The following DMRT1 variants were observed in gnomAD, a reference collection of about 807,000 sequenced individuals.
The protein encoded by DMRT1 is doublesex and mab-3 related transcription factor 1.
Under a neutral mutation model 32.3 loss-of-function variants are expected in DMRT1, and 7 were observed. The ratio of observed to expected loss-of-function variants is 0.22; its 90% CI spans 0.12 to 0.41. The LOEUF (loss-of-function observed/expected upper bound fraction) is 0.41. Among genes scored for constraint, DMRT1 ranks in the 10% least tolerant of loss-of-function variants. The probability of loss-of-function intolerance (pLI) is 1.00; values close to 1 mark genes in which losing one functional copy is unlikely to be tolerated. For missense variants in DMRT1, 625 were observed against 500.5 expected, an observed-to-expected ratio of 1.25 and a Z score of -2.37; for synonymous variants, 278 against 206.1, an observed-to-expected ratio of 1.35 and a Z score of -2.99.
intron 4 of DMRT1, among the ~76,000 whole-genome samples, chr9:920,217 T>C (rs1223561554): frequency 2.6e-5 from 4 of 152,070 alleles, no homozygotes; most frequent in African/African-American, 9.7e-5. Context: ...GTCAATGTGA[T>C]GAGATCATTT....
chr9:930,083 T>G (rs1818660047), intron 4 of DMRT1, among the ~76,000 whole-genome samples: 1 of 152,188 alleles, frequency 6.6e-6, no homozygotes, highest in Non-Finnish European at 1.5e-5. Flanking sequence ...GAGGGTGTTT[T>G]CTTCTCAAAT....
intron 4 of DMRT1, among the ~76,000 whole-genome samples, chr9:946,461 C>A (rs528650595): frequency 6.6e-6 from 1 of 152,206 alleles, no homozygotes; most frequent in African/African-American, 2.4e-5. Context: ...GTAACTGGAC[C>A]ATTTCATCCA....
chr9:949,942 C>G (rs12004781), intron 4 of DMRT1, among the ~76,000 whole-genome samples: 36,066 of 152,050 alleles, frequency 0.24, 4,972 homozygotes, highest in African/African-American at 0.37. Flanking sequence ...GCACATTGTC[C>G]TTATTCATCT....
In DMRT1 at chr9:968,166, A is replaced by C. The variant is rs1161761702; in HGVS notation, c.*27A>C. On this transcript the variant is annotated 3_prime_UTR_variant, in exon 5 of 5. Transcript: ENST00000382276. Reference sequence around the variant, plus strand: ...CAGTGCCTGCTGCCGATGGCGGTTCACTTGGAGTAACAGGCTTATTCCACT... The same window carrying C: ...CAGTGCCTGCTGCCGATGGCGGTTCCCTTGGAGTAACAGGCTTATTCCACT... 1 of 1,613,262 alleles carries C rather than the reference A, an allele frequency of 6.2e-7. No individual in the cohort carries two copies. The highest frequency in any genetic ancestry group is 1.7e-5 in the Admixed American group (1 of 60,004).
rs1838937599 is a variant in DMRT1, at chr9:847,071, C to A, written c.466C>A (p.Pro156Thr). Residue 156 changes from proline to threonine, a missense_variant, in exon 2 of 5, where the codon CCG (proline) becomes ACG (threonine). Physicochemically the swap from Pro to Thr is conservative, Grantham distance 38. Around this residue, in one of 3 missense-constraint regions of DMRT1, gnomAD observed 416 missense variants for 321.6 expected, o/e 1.29. Transcript: ENST00000382276. Reference sequence around the variant, plus strand: ...CAAAAGAGAGAACAATGGCAGTAACCCGTGCCTCATGACTGAGTGCAGTGG... The same window carrying A: ...CAAAAGAGAGAACAATGGCAGTAACACGTGCCTCATGACTGAGTGCAGTGG... The part of the protein sequence containing the change: ...LVKRENNGSN[P>T]CLMTECSGTS... The A allele has an allele frequency of 3.1e-6, 5 of 1,613,896 alleles. No individual in the cohort carries two copies. Among genetic ancestry groups the A allele is most frequent in the African/African-American group, 1.3e-5 (1 of 74,916 alleles).
intron 2 of DMRT1, among the ~76,000 whole-genome samples, chr9:879,065 T>C (rs1816626224): frequency 1.3e-5 from 2 of 152,176 alleles, no homozygotes; most frequent in African/African-American, 2.4e-5. Flanking sequence ...GTTAGGACTT[T>C]ATTGCTGTCT....
At chr9:862,821 G>A (rs761443624) in intron 2 of DMRT1, among the ~76,000 whole-genome samples, 6 of 152,112 alleles carry the variant, frequency 3.9e-5, no homozygotes, top group South Asian at 2.1e-4. Context: ...TCCTAGTTAG[G>A]TGAGGTTATG....
intron 3 of DMRT1, among the ~76,000 whole-genome samples, chr9:900,796 C>T (rs1817543438): frequency 6.6e-6 from 1 of 151,682 alleles, no homozygotes; most frequent in Non-Finnish European, 1.5e-5. Flanking sequence ...GTGATCCTCC[C>T]ATCTCAGTCT....
intron 4 of DMRT1, among the ~76,000 whole-genome samples, chr9:939,108 CT>C (rs1467951808): frequency 6.6e-6 from 1 of 152,184 alleles, no homozygotes; most frequent in Non-Finnish European, 1.5e-5. Context: ...CCTGTGCATC[CT>C]TTTCCCCTAA....
At chr9:912,114 C>G (rs1818011839) in intron 3 of DMRT1, among the ~76,000 whole-genome samples, 1 of 152,222 alleles carries the variant, frequency 6.6e-6, no homozygotes, top group Non-Finnish European at 1.5e-5. Flanking sequence ...GGCACCTTCT[C>G]TTCTTCACAA....
At chr9:862,102 C>T (rs189213388) in intron 2 of DMRT1, among the ~76,000 whole-genome samples, 42,102 of 132,100 alleles carry the variant, frequency 0.32, 7,882 homozygotes, top group Middle Eastern at 0.41. Flanking sequence ...GACGGGGTGG[C>T]GGCTGGGCAG....
In DMRT1 at chr9:965,834, C is replaced by T. The variant is rs144515898; in HGVS notation, c.968-2151C>T. Among the ~76,000 whole-genome samples the T allele has an allele frequency of 6.6e-6, 1 of 152,352 alleles. No individual in the cohort carries two copies. Among genetic ancestry groups the T allele is most frequent in the East Asian group, 1.9e-4 (1 of 5,190 alleles). ...CACGCCAGAGTCAGCCTAATCAGTA[C>T]AGTGCTGCCCTTGACAGCTTGCACA... On this transcript the variant is annotated intron_variant, in intron 4 of 4. Transcript: ENST00000382276. The surrounding 1 kb of genome is among the most constrained non-coding windows in gnomAD (Gnocchi z 4.5).
intron 2 of DMRT1, among the ~76,000 whole-genome samples, chr9:884,948 C>T (rs1001469925): frequency 1.3e-5 from 2 of 152,190 alleles, no homozygotes; most frequent in Non-Finnish European, 1.5e-5. Flanking sequence ...CCAGCCTGGG[C>T]AACAGAGTGA....
intron 3 of DMRT1, among the ~76,000 whole-genome samples, chr9:898,295 T>A (rs1817449688): frequency 6.6e-6 from 1 of 152,112 alleles, no homozygotes; most frequent in Non-Finnish European, 1.5e-5. Context: ...AATTTTTGTA[T>A]TTTTAGTGGA....
chr9:895,135 T>C (rs989938446), intron 3 of DMRT1: 1 of 152,150 alleles, frequency 6.6e-6, no homozygotes, highest in Non-Finnish European at 1.5e-5. Context: ...ATTTTTAAAA[T>C]AGCATGCAAT....
At chr9:864,932 A>G (rs1411535212) in intron 2 of DMRT1, among the ~76,000 whole-genome samples, 1 of 152,194 alleles carries the variant, frequency 6.6e-6, no homozygotes. Flanking sequence ...TTCATTATAT[A>G]ATAAACTGTG....
intron 4 of DMRT1, among the ~76,000 whole-genome samples, chr9:941,527 G>T: frequency 6.6e-6 from 1 of 152,172 alleles, no homozygotes; most frequent in East Asian, 1.9e-4. Context: ...GTTGCTGGGT[G>T]TTGAGGGGAG....
At chr9:953,780 G>C (rs1267890144) in intron 4 of DMRT1, among the ~76,000 whole-genome samples, 1 of 152,184 alleles carries the variant, frequency 6.6e-6, no homozygotes, top group Non-Finnish European at 1.5e-5. Context: ...AGATTGGCTG[G>C]CTTTGTCTCA....
intron 2 of DMRT1, among the ~76,000 whole-genome samples, chr9:852,622 G>A (rs1815202811): frequency 6.6e-6 from 1 of 152,182 alleles, no homozygotes. Context: ...GGGTTGCATT[G>A]TAGATAATTC....
Sources: allele counts gnomAD v4.1 joint callset (sites outside exome capture counted in the v4.1 genomes callset), GRCh38; gene constraint gnomAD v4.1.1; regional missense constraint gnomAD v4.1.1; non-coding constraint Gnocchi (gnomAD v3.1); transcripts MANE v1.5; gene names NCBI Gene and HGNC (gene_info 2026-07-23, HGNC 2026-07-21).